ITGBL1: variants seen among roughly 807,000 people sequenced by gnomAD.
ITGBL1 encodes integrin subunit beta like 1, also known as integrin beta-like protein 1.
In ITGBL1, 51 loss-of-function variants were observed where a neutral mutation model predicts 68.5. The ratio of observed to expected loss-of-function variants is 0.74; its 90% confidence interval spans 0.59 to 0.94. ITGBL1 has a LOEUF of 0.94. Ranked by LOEUF, ITGBL1 falls within the 40% of genes least tolerant of loss-of-function variation. The pLI is 0.00. For missense variants in ITGBL1, 649 were observed against 647.4 expected (o/e 1.00, Z -0.03); for synonymous variants, 209 against 227.3 (o/e 0.92, Z 0.72).
intron 7 of ITGBL1, among the ~76,000 whole-genome samples, chr13:101,627,811 C>T (rs530834418): frequency 2.4e-4 from 37 of 152,242 alleles, no homozygotes; most frequent in South Asian, 8.3e-4. Context: ...GTAATACTGC[C>T]TTGTCTGAAT....
chr13:101,593,166 T>C (rs1210429650), intron 6 of ITGBL1, among the ~76,000 whole-genome samples: 2 of 152,046 alleles, frequency 1.3e-5, no homozygotes, highest in Non-Finnish European at 2.9e-5. Flanking sequence ...TCAAGATCAC[T>C]AATTGTCAGG....
chr13:101,611,866 GAC>G (rs1319240935), intron 7 of ITGBL1, among the ~76,000 whole-genome samples: 3 of 152,092 alleles, frequency 2.0e-5, no homozygotes, highest in Non-Finnish European at 4.4e-5. Flanking sequence ...CTTCATAGCA[GAC>G]TTTGTGTCTG....
At chr13:101,595,390 T>C (rs2029899765) in intron 6 of ITGBL1, among the ~76,000 whole-genome samples, 1 of 152,082 alleles carries the variant, frequency 6.6e-6, no homozygotes, top group Non-Finnish European at 1.5e-5. Context: ...TCTGCCCCCA[T>C]AGTCAAAACA....
intron 2 of ITGBL1, among the ~76,000 whole-genome samples, chr13:101,458,905 G>A (rs1354817901): frequency 6.6e-6 from 1 of 152,182 alleles, no homozygotes; most frequent in Admixed American, 6.5e-5. Flanking sequence ...AACCAATGGG[G>A]AGGAACTCCA....
intron 7 of ITGBL1, among the ~76,000 whole-genome samples, chr13:101,674,531 G>A (rs1323760193): frequency 1.3e-5 from 2 of 151,964 alleles, no homozygotes; most frequent in Admixed American, 6.6e-5. Context: ...ATCAAAATAA[G>A]GAAGTTACTT....
intron 2 of ITGBL1, among the ~76,000 whole-genome samples, chr13:101,509,310 G>A (rs1002583540): frequency 3.3e-5 from 5 of 152,056 alleles, no homozygotes; most frequent in Admixed American, 2.6e-4. Context: ...CCTCTCACTA[G>A]GTTCCTGCCA....
intron 2 of ITGBL1, among the ~76,000 whole-genome samples, chr13:101,455,786 C>T (rs1284669544): frequency 6.6e-6 from 1 of 152,174 alleles, no homozygotes; most frequent in Non-Finnish European, 1.5e-5. Flanking sequence ...AAGTTACCGC[C>T]TAATATTTCA....
At position 101,706,894 on chromosome 13, in the gene ITGBL1, C is replaced by G; in HGVS notation, c.1271C>G (p.Ser424Trp). ...GAATCAGCAGATGGCATATTGTGCT[C>G]GGGGAAGGGTGAGTATCTCTGCTGG... ...LCESADGILC[S>W]GKGSCHCGKC... The change falls in exon 9 of 11, where the codon TCG becomes TGG. Residue 424 changes from serine to tryptophan, a missense_variant. Transcript: ENST00000376180. The G allele has an allele frequency of 6.2e-7, 1 of 1,613,812 alleles. No individual in the cohort carries two copies. The highest frequency in any genetic ancestry group is 8.5e-7 in the Non-Finnish European group (1 of 1,179,802).
rs566821825 is a variant in ITGBL1 at position 101,493,504 on chromosome 13, G to C, written c.316+39404G>C. Among the ~76,000 whole-genome samples, 3 of 152,196 alleles carry C rather than the reference G, an allele frequency of 2.0e-5. No homozygotes were observed. The South Asian group carries it at 6.2e-4, about 32-fold the overall frequency. On this transcript the variant is annotated intron_variant, in intron 2 of 10. Coordinates refer to ENST00000376180, the MANE Select transcript of ITGBL1 (RefSeq NM_004791.3). ...ATGGTCTGGAGTGATTCTGATCTAT[G>C]GGGGGAGTGATAACATCAGCATCAA...
At chr13:101,461,642 C>A (rs2048319886) in intron 2 of ITGBL1, among the ~76,000 whole-genome samples, 1 of 152,110 alleles carries the variant, frequency 6.6e-6, no homozygotes, top group East Asian at 1.9e-4. Flanking sequence ...CTGCAGTGAG[C>A]TATGATCAGG....
At chr13:101,578,728 A>G (rs2050404755) in intron 4 of ITGBL1, among the ~76,000 whole-genome samples, 1 of 152,228 alleles carries the variant, frequency 6.6e-6, no homozygotes, top group Non-Finnish European at 1.5e-5. Flanking sequence ...TTGTTTGTCT[A>G]AATGAGGATT....
intron 2 of ITGBL1, among the ~76,000 whole-genome samples, chr13:101,529,624 T>C (rs2049438840): frequency 6.6e-6 from 1 of 152,204 alleles, no homozygotes; most frequent in Non-Finnish European, 1.5e-5. Flanking sequence ...TCCCCACGTG[T>C]TGAGGGAGAA....
chr13:101,603,221 A>G (rs1016920683), intron 7 of ITGBL1, among the ~76,000 whole-genome samples: 2 of 151,906 alleles, frequency 1.3e-5, no homozygotes, highest in Non-Finnish European at 2.9e-5. Flanking sequence ...GTTTGTCCAC[A>G]TCCTTGCCAT....
chr13:101,606,134 C>A (rs192575879), intron 7 of ITGBL1, among the ~76,000 whole-genome samples: 7 of 142,974 alleles, frequency 4.9e-5, no homozygotes, highest in African/African-American at 1.0e-4. Flanking sequence ...ATAGCCTTCA[C>A]GTGGTCCCTG....
At chr13:101,627,873 C>A (rs1434694462) in intron 7 of ITGBL1, among the ~76,000 whole-genome samples, 2 of 152,182 alleles carry the variant, frequency 1.3e-5, no homozygotes, top group Non-Finnish European at 2.9e-5. Context: ...TTGGTTGCTT[C>A]CAAGTTTCGG....
chr13:101,551,808 A>C (rs755283366), intron 2 of ITGBL1, among the ~76,000 whole-genome samples: 20 of 152,160 alleles, frequency 1.3e-4, no homozygotes, highest in Non-Finnish European at 1.9e-4. Context: ...TGCCAATGCA[A>C]AAGGAAGACA....
intron 7 of ITGBL1, among the ~76,000 whole-genome samples, chr13:101,614,508 G>C (rs868385452): frequency 3.4e-4 from 51 of 152,136 alleles, no homozygotes; most frequent in Admixed American, 9.8e-4. Flanking sequence ...TGTAGGTGCA[G>C]TTTGAGCACA....
At chr13:101,579,127 T>C (rs1399153585) in intron 4 of ITGBL1, among the ~76,000 whole-genome samples, 160 bp from the exon 5 acceptor site, 1 of 152,190 alleles carries the variant, frequency 6.6e-6, no homozygotes, top group East Asian at 1.9e-4. Context: ...ACAACCATGA[T>C]GTGTTTGGAG....
chr13:101,476,174 TAAA>T (rs144649753), intron 2 of ITGBL1, among the ~76,000 whole-genome samples: 21,608 of 151,814 alleles, frequency 0.14, 2,030 homozygotes, highest in East Asian at 0.43. Context: ...ATAGAAACAA[TAAA>T]AAGTTAAAAA....
Sources: allele counts gnomAD v4.1 joint callset (sites outside exome capture counted in the v4.1 genomes callset), GRCh38; gene constraint gnomAD v4.1.1; transcripts MANE v1.5; gene names NCBI Gene and HGNC (gene_info 2026-07-23, HGNC 2026-07-21).